Variants in GALNT12 observed in about 807,000 individuals in gnomAD.
GALNT12 encodes the protein polypeptide N-acetylgalactosaminyltransferase 12, also known as UDP-GalNAc:polypeptide N-acetylgalactosaminyltransferase 12.
A neutral mutation model predicts 55.5 loss-of-function variants in GALNT12; 45 were observed. The ratio of observed to expected loss-of-function variants is 0.81; its 90% CI spans 0.64 to 1.04. The LOEUF (loss-of-function observed/expected upper bound fraction) is 1.04, where lower values mean the gene tolerates loss of function less well. Ranked by LOEUF, GALNT12 falls within the 50% of genes least tolerant of loss-of-function variation. The pLI is 0.00. For missense variants in GALNT12, 709 were observed against 754.8 expected (o/e 0.94, Z 0.71); for synonymous variants, 304 against 312.2 (o/e 0.97, Z 0.28).
Position 98,826,612 on chromosome 9 carries a change from T to C in GALNT12, c.542-140T>C. The C allele has an allele frequency of 3.4e-5, 29 of 856,252 alleles. No individual in the cohort carries two copies. In the South Asian group the frequency reaches 4.2e-4, roughly 12 times the overall value. The allele number at this position is 856,252 out of a possible 1,614,324, so 53.0% of individuals were successfully genotyped here. ...CTTGGTTCTGGGTGAGGTAAGGATG[T>C]CCCAGGTGGCAGAGCAAAGGAGGCT... On this transcript the variant is annotated intron_variant, in intron 2 of 9. Coordinates refer to ENST00000375011, the MANE Select transcript of GALNT12 (RefSeq NM_024642.5).
At chr9:98,843,518 C>A (rs148274886) in intron 7 of GALNT12, among the ~76,000 whole-genome samples, 1 of 151,832 alleles carries the variant, frequency 6.6e-6, no homozygotes, top group Non-Finnish European at 1.5e-5. Flanking sequence ...GTGATTCTCC[C>A]GCCTCAGTCT....
In GALNT12 at chr9:98,849,701, A is replaced by G. The variant is rs1836506825; in HGVS notation, c.*609A>G. The G allele has an allele frequency of 2.5e-6, 1 of 401,214 alleles. No homozygotes were observed. Among genetic ancestry groups the G allele is most frequent in the Admixed American group, 4.2e-5 (1 of 23,690 alleles). 24.9% of individuals were successfully genotyped at this position (401,214 alleles called of 1,614,324 possible). A position where few individuals can be genotyped will look rare whatever the true frequency, so the allele number is the denominator to read the frequency against. ...CACTCCATAATGTTCATGTCAGCCA[A>G]AGAGGACTAACCAAAGCTGAAATCT... On this transcript the variant is annotated 3_prime_UTR_variant, in exon 10 of 10. Transcript: ENST00000375011.
chr9:98,808,602 A>G (rs1043960296), intron 1 of GALNT12, among the ~76,000 whole-genome samples: 2 of 151,962 alleles, frequency 1.3e-5, no homozygotes, highest in African/African-American at 4.8e-5. Context: ...TGGGCATTGG[A>G]TTTCTGAGCT....
intron 8 of GALNT12, 62 bp from the exon 9 acceptor site, chr9:98,845,902 TTCTTGTCCAGCGA>T (rs1216494408): frequency 1.3e-6 from 2 of 1,517,852 alleles, no homozygotes; most frequent in Admixed American, 1.8e-5. Context: ...TGATCCCAGG[TTCTTGTCCAGCGA>T]TCTTTCCTCT....
chr9:98,830,809 C>A (rs185667319), intron 3 of GALNT12, among the ~76,000 whole-genome samples: 2 of 152,296 alleles, frequency 1.3e-5, no homozygotes, highest in African/African-American at 2.4e-5. Flanking sequence ...AATTCTTACC[C>A]CAGAGTGGTA....
rs1411717344 is a variant in GALNT12 at position 98,834,771 on chromosome 9, C to G, written c.918-478C>G. Among the ~76,000 whole-genome samples the G allele has an allele frequency of 2.0e-5, 3 of 152,240 alleles. No individual in the cohort carries two copies. The East Asian group carries it at 5.8e-4, about 29-fold the overall frequency. Reference sequence around the variant, plus strand: ...ATGACCATGGCCTGGAGCCTGCCTTCTTCTCGGAACGTGGTCTCTTGCTTC... The same window carrying G: ...ATGACCATGGCCTGGAGCCTGCCTTGTTCTCGGAACGTGGTCTCTTGCTTC... On this transcript the variant is annotated intron_variant, in intron 4 of 9. Coordinates refer to ENST00000375011, the MANE Select transcript of GALNT12 (RefSeq NM_024642.5).
At chr9:98,820,308 C>A (rs142961466) in intron 1 of GALNT12, among the ~76,000 whole-genome samples, 8 of 152,270 alleles carry the variant, frequency 5.3e-5, no homozygotes, top group African/African-American at 1.7e-4. Context: ...CATGTGTTCT[C>A]ATAATTCAGT....
chr9:98,842,389 A>G (rs1181955787), intron 7 of GALNT12, among the ~76,000 whole-genome samples: 2 of 152,060 alleles, frequency 1.3e-5, no homozygotes, highest in East Asian at 3.9e-4. Flanking sequence ...AGGTCTCGCT[A>G]TGTTGCCCAG....
At chr9:98,847,709 A>G (rs186919299) in intron 9 of GALNT12, among the ~76,000 whole-genome samples, 1 of 152,040 alleles carries the variant, frequency 6.6e-6, no homozygotes, top group African/African-American at 2.4e-5. Context: ...TATATATATA[A>G]AACAAATATA....
chr9:98,810,542 T>C (rs1328279806), intron 1 of GALNT12, among the ~76,000 whole-genome samples: 2 of 152,248 alleles, frequency 1.3e-5, no homozygotes, highest in Non-Finnish European at 2.9e-5. Context: ...AACATTTTGC[T>C]GTGCCTCCTA....
chr9:98,821,906 G>A (rs569020295), intron 1 of GALNT12, among the ~76,000 whole-genome samples: 1 of 152,086 alleles, frequency 6.6e-6, no homozygotes, highest in Non-Finnish European at 1.5e-5. Context: ...TGTAATTCCT[G>A]ATTTGTTTGT....
intron 1 of GALNT12, among the ~76,000 whole-genome samples, chr9:98,813,372 G>A (rs1278830146): frequency 1.3e-5 from 2 of 152,248 alleles, no homozygotes; most frequent in East Asian, 3.9e-4. Flanking sequence ...TTTTATTTAA[G>A]CATATTAAGC....
rs554856018 is a variant in GALNT12, at chr9:98,847,519, A to G, written c.1605+1396A>G. 3 of 152,336 alleles carry G rather than the reference A, an allele frequency of 2.0e-5. No homozygotes were observed. The East Asian group carries it at 5.8e-4, about 29-fold the overall frequency. The allele number at this position is 152,336 out of a possible 1,614,324, so 9.4% of individuals were successfully genotyped here. On this transcript the variant is annotated intron_variant, in intron 9 of 9. Transcript: ENST00000375011. ...AGAAACAATAAAATCAGTTTGACAT[A>G]TCAAAAATTTTATCTTAAATTTCAG... is the stretch of plus-strand genomic sequence containing the variant.
At position 98,840,045 on chromosome 9, in the gene GALNT12, A is replaced by G; in HGVS notation, c.1256A>G (p.Lys419Arg). Residue 419 changes from lysine to arginine, a missense_variant, in exon 7 of 10, where the codon AAG becomes AGG. Coordinates refer to ENST00000375011, the MANE Select transcript of GALNT12 (RefSeq NM_024642.5). Reference protein sequence around the residue: ...DVTERKQLRDKLQCKDFKWFL... With the variant: ...DVTERKQLRDRLQCKDFKWFL... ...ACAGAGAGGAAGCAGCTCCGGGACA[A>G]GCTCCAGTGTAAAGACTTCAAGTGG... 1 of 1,614,210 alleles carries G rather than the reference A, an allele frequency of 6.2e-7. No individual in the cohort carries two copies. The highest frequency in any genetic ancestry group is 8.5e-7 in the Non-Finnish European group (1 of 1,180,024).
chr9:98,831,497 G>A (rs1272465913), intron 3 of GALNT12, among the ~76,000 whole-genome samples: 2 of 152,168 alleles, frequency 1.3e-5, no homozygotes, highest in Non-Finnish European at 1.5e-5. Flanking sequence ...ATCATAGAGC[G>A]TTTGGTCAGA....
At chr9:98,838,706 A>C (rs1391083158) in intron 6 of GALNT12, among the ~76,000 whole-genome samples, 1 of 152,124 alleles carries the variant, frequency 6.6e-6, no homozygotes, top group Non-Finnish European at 1.5e-5. Context: ...CTTGCCCTGC[A>C]TTTGCATAAC....
intron 9 of GALNT12, among the ~76,000 whole-genome samples, chr9:98,847,937 T>G (rs1378431070): frequency 6.6e-6 from 1 of 151,412 alleles, no homozygotes; most frequent in African/African-American, 2.4e-5. Flanking sequence ...CTCAGTCTCC[T>G]GAGTAGCTGG....
At position 98,840,019 on chromosome 9, in the gene GALNT12, G is replaced by A. The variant is rs1390370159; in HGVS notation, c.1230G>A (p.Val410=). Residue 410 remains valine (V), a synonymous_variant, in exon 7 of 10, where the codon GTG becomes GTA. Transcript: ENST00000375011. ...PRARLEPFGD[V]TERKQLRDKL... Reference sequence around the variant, plus strand: ...TTTCTCAGGAACCTTTTGGGGATGTGACAGAGAGGAAGCAGCTCCGGGACA... The same window carrying A: ...TTTCTCAGGAACCTTTTGGGGATGTAACAGAGAGGAAGCAGCTCCGGGACA... 6.2e-7 allele frequency: 1 copy of A among 1,614,032 alleles called. No individual in the cohort carries two copies. Among genetic ancestry groups the A allele is most frequent in the East Asian group, 2.2e-5 (1 of 44,888 alleles).
intron 3 of GALNT12, among the ~76,000 whole-genome samples, chr9:98,831,160 A>G (rs184264773): frequency 6.6e-6 from 1 of 152,228 alleles, no homozygotes; most frequent in Non-Finnish European, 1.5e-5. Flanking sequence ...TATATGTAAT[A>G]TTTCACAATA....
Sources: gnomAD v4.1 joint callset for allele counts (sites outside exome capture counted in the v4.1 genomes callset) on GRCh38, gnomAD v4.1.1 for gene constraint, MANE v1.5 for transcripts, NCBI Gene and HGNC (gene_info 2026-07-23, HGNC 2026-07-21) for gene names.